Variants in SEMA3F observed in about 807,000 individuals in gnomAD.
SEMA3F encodes the protein semaphorin-3F.
A neutral mutation model predicts 98.5 loss-of-function variants in SEMA3F; 30 were observed. That is an observed-to-expected ratio of 0.30 (90% CI 0.23 to 0.41). SEMA3F has a LOEUF of 0.41. Ranked by LOEUF, SEMA3F falls within the 10% of genes least tolerant of loss-of-function variation. SEMA3F has a pLI of 1.00. For missense variants in SEMA3F, 866 were observed against 1,119.3 expected, an observed-to-expected ratio of 0.77 and a Z score of 3.23; for synonymous variants, 380 against 444.8, an observed-to-expected ratio of 0.85 and a Z score of 1.83.
At chr3:50,164,612 G>C (rs1698335689) in intron 2 of SEMA3F, among the ~76,000 whole-genome samples, 1 of 152,216 alleles carries the variant, frequency 6.6e-6, no homozygotes. Flanking sequence ...CAGAAGTGGT[G>C]ATGGTGGTGG....
At chr3:50,185,807 G>A in intron 15 of SEMA3F, 82 bp from the exon 16 acceptor site, 9 of 1,606,748 alleles carry the variant, frequency 5.6e-6, no homozygotes, top group Non-Finnish European at 7.7e-6. Flanking sequence ...GCATGGAACA[G>A]GGGAGAGGAG....
At position 50,187,910 on chromosome 3, in the gene SEMA3F, C is replaced by T. The variant is rs1244449329; in HGVS notation, c.2153C>T (p.Pro718Leu). The change falls in exon 19 of 19, where the codon CCA becomes CTA. Residue 718 changes from proline (P) to leucine (L), a missense_variant. Physicochemically the swap from Pro to Leu is moderately conservative, Grantham distance 98. Around this residue, in one of 3 missense-constraint regions of SEMA3F, gnomAD observed 245 missense variants for 260.5 expected, o/e 0.94. Transcript: ENST00000002829. ...PPLSMSAPPP[P>L]GAGPPTPPYQ... Reference sequence around the variant, plus strand: ...CTGTCCATGAGCGCCCCGCCACCCCCAGGCGCAGGCCCCCCAACGCCTCCT... The same window carrying T: ...CTGTCCATGAGCGCCCCGCCACCCCTAGGCGCAGGCCCCCCAACGCCTCCT... 5 of 1,608,714 alleles carry T rather than the reference C, an allele frequency of 3.1e-6. No homozygotes were observed. In the Admixed American group the frequency reaches 5.0e-5, roughly 16 times the overall value.
chr3:50,176,069 G>T (rs1698796836), intron 6 of SEMA3F, among the ~76,000 whole-genome samples: 1 of 151,846 alleles, frequency 6.6e-6, no homozygotes, highest in Non-Finnish European at 1.5e-5. Flanking sequence ...GCCTTTTCCA[G>T]CCTTCCTAGC....
upstream of SEMA3F, chr3:50,155,067 G>A: frequency 5.5e-6 from 2 of 366,352 alleles, no homozygotes; most frequent in Non-Finnish European, 1.0e-5. The surrounding 1 kb of genome is among the most constrained non-coding windows in gnomAD (Gnocchi z 4.9). Context: ...TGAGCGCCCC[G>A]TCCCGCCGGC....
At chr3:50,164,720 T>A (rs2109065635) in intron 2 of SEMA3F, among the ~76,000 whole-genome samples, 1 of 152,336 alleles carries the variant, frequency 6.6e-6, no homozygotes, top group South Asian at 2.1e-4. Context: ...TGGTTTCTCC[T>A]GTGTAAGGTG....
intron 1 of SEMA3F, among the ~76,000 whole-genome samples, chr3:50,157,673 C>T (rs1454889669): frequency 6.6e-6 from 1 of 152,176 alleles, no homozygotes; most frequent in Non-Finnish European, 1.5e-5. Context: ...GACTGAGGCC[C>T]CAGCAAACTT....
chr3:50,185,260 T>C (rs7642692), intron 13 of SEMA3F, among the ~76,000 whole-genome samples, 183 bp from the exon 14 acceptor site: 26,016 of 152,152 alleles, frequency 0.17, 2,903 homozygotes, highest in African/African-American at 0.33. Flanking sequence ...GGGCAGACCA[T>C]GGCCATGACC....
At chr3:50,173,751 T>C (rs1394124500) in intron 2 of SEMA3F, 42 bp from the exon 3 acceptor site, 1 of 1,592,062 alleles carries the variant, frequency 6.3e-7, no homozygotes, top group East Asian at 2.3e-5. Context: ...GGCTGGATGG[T>C]TTCCTGAAGG....
chr3:50,186,382 T>C (rs1389297556), intron 17 of SEMA3F, 34 bp downstream of exon 17: 1 of 1,595,220 alleles, frequency 6.3e-7, no homozygotes, highest in South Asian at 1.1e-5. Context: ...GGGGTGCTGC[T>C]CACACTGCAG....
intron 10 of SEMA3F, 76 bp from the exon 11 acceptor site, chr3:50,183,110 C>T: frequency 1.3e-6 from 2 of 1,570,498 alleles, no homozygotes; most frequent in South Asian, 2.2e-5. Context: ...TGGGCCCCCT[C>T]CCCTGTGCAG....
chr3:50,180,461 C>A (rs562843390), intron 7 of SEMA3F, among the ~76,000 whole-genome samples: 7 of 152,182 alleles, frequency 4.6e-5, no homozygotes, highest in Non-Finnish European at 7.4e-5. Context: ...TGGCCCATTT[C>A]TAGCTTTTGA....
In SEMA3F at chr3:50,182,750, C is replaced by G. The variant is rs773210719; in HGVS notation, c.870C>G (p.Pro290=). The G allele has an allele frequency of 6.2e-7, 1 of 1,613,238 alleles. No homozygotes were observed. The change falls in exon 9 of 19, where the codon CCC becomes CCG. Residue 290 remains proline, a synonymous_variant. Coordinates refer to ENST00000002829, the MANE Select transcript of SEMA3F (RefSeq NM_004186.5). This position sits in a 1 kb window ranked among gnomAD's most constrained non-coding sequence, Gnocchi z 4.5. The part of the protein sequence containing the change: ...RERSAEAPQS[P]AVYARIGRIC... The stretch of plus-strand genomic sequence containing the variant: ...GGTCGGCAGAGGCGCCGCAGAGCCC[C>G]GCGGTGTACGCCCGCATCGGGCGCA...
chr3:50,172,454 C>T (rs1698652755), intron 2 of SEMA3F, among the ~76,000 whole-genome samples: 1 of 152,094 alleles, frequency 6.6e-6, no homozygotes, highest in Admixed American at 6.5e-5. Context: ...CTTTGTCTGT[C>T]ATTGTCTGAG....
In SEMA3F at chr3:50,156,620, G is replaced by C. The variant is rs1474715583; in HGVS notation, c.-49+1056G>C. 2.0e-5 allele frequency among the ~76,000 whole-genome samples: 3 copies of C among 152,206 alleles called. No individual in the cohort carries two copies. Among genetic ancestry groups the C allele is most frequent in the Admixed American group, 2.0e-4 (3 of 15,288 alleles). ...ATCTCAGCCCAGGGAGTTGGATGGA[G>C]CTGAGGCCTCTTCCCAGGCTACCCA... On this transcript the variant is annotated intron_variant, in intron 1 of 18. Coordinates refer to ENST00000002829, the MANE Select transcript of SEMA3F (RefSeq NM_004186.5). The surrounding 1 kb of genome is among the most constrained non-coding windows in gnomAD (Gnocchi z 4.5).
chr3:50,186,098 C>T lies in SEMA3F; in HGVS notation c.1745+52C>T, dbSNP rs375534695. The stretch of plus-strand genomic sequence containing the variant: ...TTAGCAACCAGTCCCAGGGCCCTAT[C>T]CTAGGGGATTGGGGGTGCATGTGAT... On this transcript the variant is annotated intron_variant, in intron 16 of 18. Coordinates refer to ENST00000002829, the MANE Select transcript of SEMA3F (RefSeq NM_004186.5). The T allele has an allele frequency of 1.9e-6, 3 of 1,558,472 alleles. No individual in the cohort carries two copies. The East Asian group carries it at 6.8e-5, about 35-fold the overall frequency.
At chr3:50,175,280 C>A in intron 6 of SEMA3F, 92 bp downstream of exon 6, 1 of 877,816 alleles carries the variant, frequency 1.1e-6, no homozygotes, top group Non-Finnish European at 1.9e-6. Context: ...CTCCCCAGGG[C>A]CTCCCCTCTA....
chr3:50,182,751 G>T lies in SEMA3F; in HGVS notation c.871G>T (p.Ala291Ser). Residue 291 changes from alanine to serine, a missense_variant, in exon 9 of 19, where the codon GCG becomes TCG. Physicochemically the swap from Ala to Ser is moderately conservative, Grantham distance 99. This residue lies in a region of SEMA3F where 374 missense variants were observed against 582.8 expected (regional missense o/e 0.64). Transcript: ENST00000002829. This position sits in a 1 kb window ranked among gnomAD's most constrained non-coding sequence, Gnocchi z 4.5. ...ERSAEAPQSPAVYARIGRICL... is the reference protein window; with the variant it reads ...ERSAEAPQSPSVYARIGRICL... ...GTCGGCAGAGGCGCCGCAGAGCCCC[G>T]CGGTGTACGCCCGCATCGGGCGCAT... is the stretch of plus-strand genomic sequence containing the variant. 6.2e-7 allele frequency: 1 copy of T among 1,613,200 alleles called. No homozygotes were observed. Among genetic ancestry groups the T allele is most frequent in the East Asian group, 2.2e-5 (1 of 44,884 alleles).
rs541876628 is a variant in SEMA3F, at chr3:50,182,460, G to T, written c.763+57G>T. Reference sequence around the variant, plus strand: ...CATGTGTCTGGGATGCGGCAAGGAGGTCGTAAAGAAGCACATGTGGGGGAA... The same window carrying T: ...CATGTGTCTGGGATGCGGCAAGGAGTTCGTAAAGAAGCACATGTGGGGGAA... On this transcript the variant is annotated intron_variant, in intron 8 of 18. Transcript: ENST00000002829. This position sits in a 1 kb window ranked among gnomAD's most constrained non-coding sequence, Gnocchi z 4.5. 6.2e-7 allele frequency: 1 copy of T among 1,607,660 alleles called. No homozygotes were observed. The highest frequency in any genetic ancestry group is 8.5e-7 in the Non-Finnish European group (1 of 1,178,414).
At chr3:50,185,581 C>T (rs201188823) in intron 14 of SEMA3F, 50 bp downstream of exon 14, 4 of 1,611,986 alleles carry the variant, frequency 2.5e-6, no homozygotes, top group African/African-American at 2.7e-5. Context: ...ACCCTCCCCC[C>T]AGTCCCAGCC....
Sources: allele counts gnomAD v4.1 joint callset (sites outside exome capture counted in the v4.1 genomes callset), GRCh38; gene constraint gnomAD v4.1.1; regional missense constraint gnomAD v4.1.1; non-coding constraint Gnocchi (gnomAD v3.1); transcripts MANE v1.5; gene names NCBI Gene and HGNC (gene_info 2026-07-23, HGNC 2026-07-21).